CDC123: variants seen among roughly 807,000 people sequenced by gnomAD.
The protein encoded by CDC123 is translation initiation factor eIF2 assembly protein.
CDC123 carries 37 observed loss-of-function variants against 54.4 expected under a neutral mutation model. The observed-to-expected ratio is 0.68, with a 90% CI of 0.52 to 0.89. The LOEUF (loss-of-function observed/expected upper bound fraction) is 0.89, where lower values mean the gene tolerates loss of function less well. Among genes scored for constraint, CDC123 ranks in the 40% least tolerant of loss-of-function variants. CDC123 has a pLI of 0.00. For synonymous variants in CDC123, 144 were observed against 136.8 expected (o/e 1.05, Z -0.37); for missense variants, 361 against 412.1 (o/e 0.88, Z 1.07).
At chr10:12,240,334 C>T (rs1226660981) in intron 10 of CDC123, among the ~76,000 whole-genome samples, 3 of 152,174 alleles carry the variant, frequency 2.0e-5, no homozygotes, top group Admixed American at 6.5e-5. Flanking sequence ...GTGTCACCTA[C>T]ACACAAGCAG....
intron 4 of CDC123, among the ~76,000 whole-genome samples, chr10:12,213,027 G>A (rs1235827209): frequency 6.6e-6 from 1 of 152,118 alleles, no homozygotes; most frequent in African/African-American, 2.4e-5. Flanking sequence ...TGTCTTTATA[G>A]TACTAAAGGC....
chr10:12,221,454 T>A (rs1304497923), intron 6 of CDC123, among the ~76,000 whole-genome samples: 1 of 152,232 alleles, frequency 6.6e-6, no homozygotes, highest in African/African-American at 2.4e-5. Context: ...CTTGTTCTTT[T>A]CTGTATGTGA....
chr10:12,231,293 C>T (rs1235647426), intron 7 of CDC123, among the ~76,000 whole-genome samples: 2 of 152,084 alleles, frequency 1.3e-5, no homozygotes, highest in Admixed American at 6.6e-5. Flanking sequence ...AGCATTTTAC[C>T]ATTTTTATAT....
chr10:12,211,399 GAAA>G (rs1004448482), intron 4 of CDC123, among the ~76,000 whole-genome samples: 1 of 150,676 alleles, frequency 6.6e-6, no homozygotes, highest in Admixed American at 6.6e-5. Flanking sequence ...CAGGATAGAA[GAAA>G]AAAAAAGAAG....
chr10:12,196,203 T>G lies in CDC123; in HGVS notation c.-43T>G, dbSNP rs186669832. The stretch of plus-strand genomic sequence containing the variant: ...GCCGGCGCCCAGAGTTCCGGGAGGG[T>G]GCAGGCAGGAGAGGGAAAGGCAGCA... On this transcript the variant is annotated 5_prime_UTR_variant, in exon 1 of 13. Transcript: ENST00000281141. 1.2e-6 allele frequency: 2 copies of G among 1,611,960 alleles called. No homozygotes were observed. The highest frequency in any genetic ancestry group is 1.7e-6 in the Non-Finnish European group (2 of 1,179,568).
chr10:12,211,536 T>A (rs1233007459), intron 4 of CDC123, among the ~76,000 whole-genome samples: 14 of 152,242 alleles, frequency 9.2e-5, no homozygotes, highest in Non-Finnish European at 1.8e-4. Context: ...TCTCCTTTTA[T>A]GAAAATTCCA....
chr10:12,197,615 G>T (rs1437182960), intron 1 of CDC123, among the ~76,000 whole-genome samples: 1 of 150,434 alleles, frequency 6.6e-6, no homozygotes, highest in Non-Finnish European at 1.5e-5. Context: ...CTGACCTCGT[G>T]ATCCGCCCGC....
intron 6 of CDC123, among the ~76,000 whole-genome samples, chr10:12,221,883 A>T (rs191011230): frequency 2.3e-3 from 350 of 152,036 alleles, no homozygotes; most frequent in African/African-American, 7.6e-3. Flanking sequence ...AATGTTTCCC[A>T]GGGAAGCTAA....
chr10:12,225,608 C>T (rs1271707168), intron 6 of CDC123, among the ~76,000 whole-genome samples: 1 of 152,040 alleles, frequency 6.6e-6, no homozygotes, highest in African/African-American at 2.4e-5. Context: ...AAAAGCGGGC[C>T]TGACAAGTTG....
At chr10:12,232,974 TG>T (rs945634680) in intron 7 of CDC123, among the ~76,000 whole-genome samples, 14 of 151,882 alleles carry the variant, frequency 9.2e-5, no homozygotes, top group Admixed American at 3.9e-4. Flanking sequence ...TTAGCCAGGA[TG>T]GTCTCGTTCT....
chr10:12,227,111 T>C (rs913574749), intron 6 of CDC123, among the ~76,000 whole-genome samples: 2 of 151,914 alleles, frequency 1.3e-5, no homozygotes, highest in African/African-American at 4.8e-5. Context: ...CGAAAACCAG[T>C]CAGGCGTGGC....
Position 12,197,672 on chromosome 10 carries a change from C to T in CDC123, c.75-1033C>T, listed in dbSNP as rs895143504. The stretch of plus-strand genomic sequence containing the variant: ...GATTACAGGTGTGAGCCACCGCGCC[C>T]GGCCAGAACTAGATTTTTGAATGTG... On this transcript the variant is annotated intron_variant, in intron 1 of 12. Coordinates refer to ENST00000281141, the MANE Select transcript of CDC123 (RefSeq NM_006023.3). Among the ~76,000 whole-genome samples the T allele has an allele frequency of 4.6e-5, 7 of 151,246 alleles. No homozygotes were observed. In the South Asian group the frequency reaches 8.3e-4, roughly 18 times the overall value.
chr10:12,226,457 A>C (rs1198012263), intron 6 of CDC123, among the ~76,000 whole-genome samples: 2 of 151,588 alleles, frequency 1.3e-5, no homozygotes, highest in East Asian at 3.9e-4. Context: ...CTCACTTCCC[A>C]GACGGGGCGG....
Position 12,209,955 on chromosome 10 carries a change from G to A in CDC123, c.147-12G>A, listed in dbSNP as rs759160518. 3 of 1,614,028 alleles carry A rather than the reference G, an allele frequency of 1.9e-6. No homozygotes were observed. The South Asian group carries it at 3.3e-5, about 18-fold the overall frequency. On this transcript the variant is annotated splice_polypyrimidine_tract_variant and intron_variant, in intron 2 of 12. Transcript: ENST00000281141. ...TCCTTTTCTTTCTTGATGTTTGTTTGTGTTTTTTTAGGGATGATCCACCAA... is the reference window on the plus strand; with the variant it reads ...TCCTTTTCTTTCTTGATGTTTGTTTATGTTTTTTTAGGGATGATCCACCAA...
At chr10:12,225,549 G>T (rs181173957) in intron 6 of CDC123, among the ~76,000 whole-genome samples, 242 of 152,158 alleles carry the variant, frequency 1.6e-3, no homozygotes, top group African/African-American at 4.2e-3. Flanking sequence ...GACACACCCT[G>T]AGGTTCAGCG....
chr10:12,250,060 T>G, intron 12 of CDC123: 1 of 478,596 alleles, frequency 2.1e-6, no homozygotes, highest in Admixed American at 3.9e-5. Flanking sequence ...GATGTGAATA[T>G]TTATATTTTT....
chr10:12,250,232 C>G, intron 12 of CDC123, 79 bp from the exon 13 acceptor site: 4 of 832,902 alleles, frequency 4.8e-6, no homozygotes, highest in East Asian at 5.6e-5. Flanking sequence ...TTGCCAAGAC[C>G]TCTAGAAAAT....
intron 6 of CDC123, among the ~76,000 whole-genome samples, chr10:12,219,618 T>C (rs1325780662): frequency 6.6e-6 from 1 of 152,080 alleles, no homozygotes; most frequent in East Asian, 1.9e-4. Context: ...CTTTTTGACA[T>C]CTAATGCTTT....
At chr10:12,249,102 C>T (rs1269099636) in intron 11 of CDC123, among the ~76,000 whole-genome samples, 1 of 146,762 alleles carries the variant, frequency 6.8e-6, no homozygotes, top group Non-Finnish European at 1.5e-5. Flanking sequence ...GCACTCCAGT[C>T]TGAGAACAGA....
Sources: gnomAD v4.1 joint callset for allele counts (sites outside exome capture counted in the v4.1 genomes callset) on GRCh38, gnomAD v4.1.1 for gene constraint, MANE v1.5 for transcripts, NCBI Gene and HGNC (gene_info 2026-07-23, HGNC 2026-07-21) for gene names.